The following CDH13 variants were observed in gnomAD, a reference collection of about 807,000 sequenced individuals.
CDH13 encodes the protein cadherin 13.
A neutral mutation model predicts 63.8 loss-of-function variants in CDH13; 24 were observed. The ratio of observed to expected loss-of-function variants is 0.38; its 90% CI spans 0.27 to 0.53. The LOEUF is 0.53. CDH13 is among the 20% of genes least tolerant of loss of function. CDH13 has a pLI of 0.85. For synonymous variants in CDH13, 503 were observed against 355.3 expected (o/e 1.42, Z -4.67); for missense variants, 1,049 against 903.1 (o/e 1.16, Z -2.07).
At chr16:83,469,589 A>G (rs1392014853) in intron 6 of CDH13, among the ~76,000 whole-genome samples, 2 of 152,076 alleles carry the variant, frequency 1.3e-5, no homozygotes, top group Non-Finnish European at 1.5e-5. Flanking sequence ...GTTTTTGTCT[A>G]TTGCATCTTC....
At chr16:83,151,821 G>A (rs1439618078) in intron 4 of CDH13, among the ~76,000 whole-genome samples, 3 of 152,272 alleles carry the variant, frequency 2.0e-5, no homozygotes, top group South Asian at 4.1e-4. Context: ...ATTTAGCTGG[G>A]TGTGGTGGCA....
intron 1 of CDH13, among the ~76,000 whole-genome samples, chr16:82,822,059 C>G (rs1390607512): frequency 6.6e-6 from 1 of 152,170 alleles, no homozygotes; most frequent in Admixed American, 6.5e-5. Flanking sequence ...AGACCCTGCT[C>G]CAAGGACTTT....
At chr16:83,562,574 A>G (rs1409138924) in intron 7 of CDH13, among the ~76,000 whole-genome samples, 4 of 152,244 alleles carry the variant, frequency 2.6e-5, no homozygotes, top group Non-Finnish European at 4.4e-5. Context: ...AAATAGTCCT[A>G]CAGATGTAAG....
intron 7 of CDH13, among the ~76,000 whole-genome samples, chr16:83,513,614 G>A (rs760601364): frequency 1.3e-5 from 2 of 152,148 alleles, no homozygotes; most frequent in African/African-American, 4.8e-5. Context: ...GAAGTGCTGA[G>A]CAATGCGCAG....
At chr16:83,102,907 C>CTTTCTTTTTTTTTTT (rs2034553828) in intron 3 of CDH13, among the ~76,000 whole-genome samples, 1 of 80,658 alleles carries the variant, frequency 1.2e-5, no homozygotes, top group Non-Finnish European at 2.6e-5. Flanking sequence ...GCTAATTAAA[C>CTTTCTTTTTTTTTTT]TTTCTTTTTT....
At chr16:83,126,739 G>T (rs1555597884) in intron 4 of CDH13, among the ~76,000 whole-genome samples, 3 of 152,168 alleles carry the variant, frequency 2.0e-5, no homozygotes, top group Non-Finnish European at 4.4e-5. Context: ...ATGGTGGTTG[G>T]TTAAATGAAT....
intron 5 of CDH13, among the ~76,000 whole-genome samples, chr16:83,267,709 C>T (rs915610491): frequency 1.3e-5 from 2 of 152,198 alleles, no homozygotes; most frequent in African/African-American, 4.8e-5. Context: ...GCAAGGAGGC[C>T]TCGCCTGTTG....
chr16:83,570,105 C>A (rs8056234), intron 7 of CDH13, among the ~76,000 whole-genome samples: 31,313 of 152,026 alleles, frequency 0.21, 3,261 homozygotes, highest in Admixed American at 0.26. Context: ...TCCTGTGTAG[C>A]CCCTGTTTTC....
At chr16:83,752,615 TTCTCATCTTTGAGACTCATTGAG>T (rs1221990303) in intron 11 of CDH13, among the ~76,000 whole-genome samples, 3 of 152,196 alleles carry the variant, frequency 2.0e-5, no homozygotes, top group Non-Finnish European at 4.4e-5. Context: ...TTACAGCTGT[TTCTCATCTTTGAGACTCATTGAG>T]TCTCATCTAT....
chr16:83,669,661 G>A (rs1914329194), intron 8 of CDH13, among the ~76,000 whole-genome samples: 1 of 152,162 alleles, frequency 6.6e-6, no homozygotes, highest in South Asian at 2.1e-4. Context: ...CCCCTGAGAG[G>A]CCTCAGGATT....
intron 1 of CDH13, among the ~76,000 whole-genome samples, chr16:82,663,011 C>G (rs1032959899): frequency 6.6e-6 from 1 of 152,190 alleles, no homozygotes; most frequent in African/African-American, 2.4e-5. Context: ...GGCTAGCTGA[C>G]TTGTCTCTTC....
intron 2 of CDH13, among the ~76,000 whole-genome samples, chr16:82,941,308 T>A (rs1474895558): frequency 1.3e-5 from 2 of 152,184 alleles, no homozygotes; most frequent in Non-Finnish European, 2.9e-5. Context: ...GGATCTCCCA[T>A]TCAGTGAAAT....
chr16:82,842,365 T>C (rs2039071544), intron 1 of CDH13, among the ~76,000 whole-genome samples: 1 of 151,738 alleles, frequency 6.6e-6, no homozygotes, highest in Non-Finnish European at 1.5e-5. Flanking sequence ...CAAATGATGG[T>C]AGTCCTTGAA....
chr16:83,496,510 C>G (rs993257435), intron 7 of CDH13, among the ~76,000 whole-genome samples: 1 of 151,836 alleles, frequency 6.6e-6, no homozygotes, highest in Non-Finnish European at 1.5e-5. Flanking sequence ...AAAATCAATT[C>G]AAGATGGATT....
chr16:83,364,326 T>TA (rs2091218870), intron 6 of CDH13, among the ~76,000 whole-genome samples: 1 of 152,182 alleles, frequency 6.6e-6, no homozygotes, highest in Non-Finnish European at 1.5e-5. Context: ...TCCTGTTGAC[T>TA]AGTAAGTGCC....
chr16:83,241,066 T>A lies in CDH13; in HGVS notation c.636+23569T>A, dbSNP rs551567423. ...TTGACTGCTTTAGATACTTTGAATG[T>A]GTGGATTCATACAGTATTTGTCCTT... On this transcript the variant is annotated intron_variant, in intron 5 of 13. Transcript: ENST00000567109. 9.8e-5 allele frequency among the ~76,000 whole-genome samples: 15 copies of A among 152,346 alleles called. No homozygotes were observed. The South Asian group carries it at 1.9e-3, about 19-fold the overall frequency.
intron 2 of CDH13, among the ~76,000 whole-genome samples, chr16:82,872,686 G>C (rs1278208504): frequency 6.6e-6 from 1 of 152,150 alleles, no homozygotes; most frequent in Non-Finnish European, 1.5e-5. Context: ...AGGGCAAGAG[G>C]TACAAATGCT....
intron 1 of CDH13, among the ~76,000 whole-genome samples, chr16:82,711,286 C>G (rs540003131): frequency 3.3e-4 from 51 of 152,304 alleles, no homozygotes; most frequent in African/African-American, 1.2e-3. Flanking sequence ...ATCTACCATT[C>G]TCTTAAGGAT....
chr16:82,917,227 G>C (rs976645023), intron 2 of CDH13, among the ~76,000 whole-genome samples: 3 of 152,184 alleles, frequency 2.0e-5, no homozygotes, highest in Admixed American at 1.3e-4. Flanking sequence ...AGGTCCTGTG[G>C]AGCCGATGGG....
Sources: gnomAD v4.1 joint callset for allele counts (sites outside exome capture counted in the v4.1 genomes callset) on GRCh38, gnomAD v4.1.1 for gene constraint, MANE v1.5 for transcripts, NCBI Gene and HGNC (gene_info 2026-07-23, HGNC 2026-07-21) for gene names.